Variants in UBE2E1 observed in about 807,000 individuals in gnomAD.
The protein encoded by UBE2E1 is ubiquitin conjugating enzyme E2 E1, also known as ubiquitin-conjugating enzyme E2 E1.
UBE2E1 carries 6 observed loss-of-function variants against 21.4 expected under a neutral mutation model. That is an observed-to-expected ratio of 0.28 (90% confidence interval 0.15 to 0.55). The LOEUF (loss-of-function observed/expected upper bound fraction) is 0.55. Among genes scored for constraint, UBE2E1 ranks in the 20% least tolerant of loss-of-function variants. UBE2E1 has a pLI of 0.93. For synonymous variants in UBE2E1, 87 were observed against 82.7 expected (o/e 1.05, Z -0.28); for missense variants, 142 against 236.5 (o/e 0.60, Z 2.62).
At chr3:23,830,865 G>A (rs1250312674) in intron 3 of UBE2E1, among the ~76,000 whole-genome samples, 1 of 152,156 alleles carries the variant, frequency 6.6e-6, no homozygotes, top group African/African-American at 2.4e-5. Context: ...TTAACTGTGG[G>A]TCAAGTTTTG....
At position 23,876,026 on chromosome 3, in the gene UBE2E1, C is replaced by T. The variant is rs1462565287; in HGVS notation, c.204-11541C>T. Among the ~76,000 whole-genome samples, 1 of 152,240 alleles carries T rather than the reference C, an allele frequency of 6.6e-6. No homozygotes were observed. Among genetic ancestry groups the T allele is most frequent in the Non-Finnish European group, 1.5e-5 (1 of 68,040 alleles). ...GACCTCGTGATCTGCCCGCTTTGGC[C>T]TCACAAAGTGCTGGGATTACAGGCG... On this transcript the variant is annotated intron_variant, in intron 3 of 5. Transcript: ENST00000306627. The surrounding 1 kb of genome is among the most constrained non-coding windows in gnomAD (Gnocchi z 4.3).
intron 4 of UBE2E1, among the ~76,000 whole-genome samples, chr3:23,888,071 T>C (rs1049628617): frequency 6.6e-6 from 1 of 152,058 alleles, no homozygotes; most frequent in Non-Finnish European, 1.5e-5. Context: ...CTTGGGAGGA[T>C]TGTTTGAGCC....
intron 3 of UBE2E1, among the ~76,000 whole-genome samples, chr3:23,843,139 C>A (rs1700130212): frequency 1.4e-5 from 2 of 148,066 alleles, no homozygotes; most frequent in Admixed American, 6.7e-5. Context: ...AATGGACTTT[C>A]TTTGGGAAGC....
intron 3 of UBE2E1, among the ~76,000 whole-genome samples, chr3:23,847,434 GT>G (rs543320496): frequency 6.6e-6 from 1 of 150,910 alleles, no homozygotes; most frequent in Non-Finnish European, 1.5e-5. Flanking sequence ...ATACCCTGTG[GT>G]ATTAATAGTT....
rs1418443245 is a variant in UBE2E1 at position 23,887,981 on chromosome 3, A to G, written c.336+282A>G. 6.6e-6 allele frequency among the ~76,000 whole-genome samples: 1 copy of G among 152,210 alleles called. No individual in the cohort carries two copies. Among genetic ancestry groups the G allele is most frequent in the Non-Finnish European group, 1.5e-5 (1 of 68,040 alleles). Reference sequence around the variant, plus strand: ...ATTAATCCCCTGTTTTCCAGCCCATAGAGAAATGTTTTTGAACCTTTCTCG... The same window carrying G: ...ATTAATCCCCTGTTTTCCAGCCCATGGAGAAATGTTTTTGAACCTTTCTCG... On this transcript the variant is annotated intron_variant, in intron 4 of 5. Coordinates refer to ENST00000306627, the MANE Select transcript of UBE2E1 (RefSeq NM_003341.5). The surrounding 1 kb of genome is among the most constrained non-coding windows in gnomAD (Gnocchi z 4.4).
Position 23,823,445 on chromosome 3 carries a change from A to G in UBE2E1, c.203+11935A>G, listed in dbSNP as rs537925115. Among the ~76,000 whole-genome samples, 4 of 152,360 alleles carry G rather than the reference A, an allele frequency of 2.6e-5. No individual in the cohort carries two copies. The East Asian group carries it at 5.8e-4, about 22-fold the overall frequency. ...GCAACAAATAATATGTGGAACCACA[A>G]CTGTTTTGGCTACGTAGGAATTTTG... On this transcript the variant is annotated intron_variant, in intron 3 of 5. Transcript: ENST00000306627. This position sits in a 1 kb window ranked among gnomAD's most constrained non-coding sequence, Gnocchi z 4.2.
At chr3:23,841,620 TATC>T (rs1279276420) in intron 3 of UBE2E1, among the ~76,000 whole-genome samples, 16 of 152,248 alleles carry the variant, frequency 1.1e-4, no homozygotes, top group Non-Finnish European at 7.3e-5. Flanking sequence ...AAAATATAAA[TATC>T]ATGCATTCAT....
In UBE2E1 at chr3:23,870,822, C is replaced by T. The variant is rs1016369192; in HGVS notation, c.204-16745C>T. 1.3e-5 allele frequency among the ~76,000 whole-genome samples: 2 copies of T among 149,994 alleles called. No individual in the cohort carries two copies. The highest frequency in any genetic ancestry group is 2.0e-4 in the East Asian group (1 of 5,096). On this transcript the variant is annotated intron_variant, in intron 3 of 5. Transcript: ENST00000306627. This position sits in a 1 kb window ranked among gnomAD's most constrained non-coding sequence, Gnocchi z 4.2. The stretch of plus-strand genomic sequence containing the variant: ...TGGTTTTCCTAGGCAGAGGACCCTG[C>T]GGCCTTCCGCAGTGTTTGTGTCCCT...
In UBE2E1 at chr3:23,887,336, T is replaced by TC. The variant is rs1324637419; in HGVS notation, c.204-230dup. ...GAATTGAGGAAAGTTTCCTGCTTAT[T>TC]CGTAGCTAGGTAGGCTTAGAATGGT... On this transcript the variant is annotated intron_variant, in intron 3 of 5. Coordinates refer to ENST00000306627, the MANE Select transcript of UBE2E1 (RefSeq NM_003341.5). The surrounding 1 kb of genome is among the most constrained non-coding windows in gnomAD (Gnocchi z 4.4). 3.9e-5 allele frequency among the ~76,000 whole-genome samples: 6 copies of TC among 152,214 alleles called. No homozygotes were observed. The highest frequency in any genetic ancestry group is 7.3e-5 in the Non-Finnish European group (5 of 68,028).
Position 23,811,513 on chromosome 3 carries a change from G to T in UBE2E1, c.203+3G>T, listed in dbSNP as rs773972347. 1.9e-6 allele frequency: 3 copies of T among 1,613,990 alleles called. No individual in the cohort carries two copies. In the African/African-American group the frequency reaches 4.0e-5, roughly 22 times the overall value. ...TTAGACCCTCCACCTAATTGCAGGT[G>T]AGTTGCTTTTCGGATTTTTTCCATT... On this transcript the variant is annotated splice_donor_region_variant and intron_variant, in intron 3 of 5. Transcript: ENST00000306627.
At chr3:23,845,176 A>G (rs1700169441) in intron 3 of UBE2E1, among the ~76,000 whole-genome samples, 1 of 152,230 alleles carries the variant, frequency 6.6e-6, no homozygotes, top group South Asian at 2.1e-4. Context: ...TGTAGCTTCA[A>G]AATCACAAAT....
At position 23,891,378 on chromosome 3, in the gene UBE2E1, C is replaced by CGAT. The variant is rs1257356638; in HGVS notation, c.*773_*775dup. 1 of 152,144 alleles carries CGAT rather than the reference C, an allele frequency of 6.6e-6. No homozygotes were observed. Among genetic ancestry groups the CGAT allele is most frequent in the East Asian group, 1.9e-4 (1 of 5,200 alleles). The allele number at this position is 152,144 out of a possible 1,614,324, so 9.4% of individuals were successfully genotyped here. A position where few individuals can be genotyped will look rare whatever the true frequency, so the allele number is the denominator to read the frequency against. On this transcript the variant is annotated 3_prime_UTR_variant, in exon 6 of 6. Transcript: ENST00000306627. ...TGCCATTCGCAGATTCTTCTGAAAT[C>CGAT]GATAGGTATCTGCTTCTAAAACAAG...
rs1699367487 is a variant in UBE2E1, at chr3:23,810,646, G to C, written c.153-814G>C. ...CTGTGGTGCCCGAGTGGCGGGCGGG[G>C]GTGTTCGCGCCCTGCTTTCGCGCGC... On this transcript the variant is annotated intron_variant, in intron 2 of 5. Transcript: ENST00000306627. The surrounding 1 kb of genome is among the most constrained non-coding windows in gnomAD (Gnocchi z 5.8). The C allele has an allele frequency of 1.0e-6, 1 of 971,456 alleles. No homozygotes were observed. The highest frequency in any genetic ancestry group is 3.0e-5 in the East Asian group (1 of 33,506). 60.2% of individuals were successfully genotyped at this position (971,456 alleles called of 1,614,324 possible). A position where few individuals can be genotyped will look rare whatever the true frequency, so the allele number is the denominator to read the frequency against.
At chr3:23,879,623 A>C (rs4858553) in intron 3 of UBE2E1, 1 of 214,008 alleles carries the variant, frequency 4.7e-6, no homozygotes, top group Non-Finnish European at 9.5e-6. Flanking sequence ...GTCTGTCCTA[A>C]CATCTGGGGA....
rs776912817 is a variant in UBE2E1, at chr3:23,876,916, C to T, written c.204-10651C>T. 1.2e-4 allele frequency among the ~76,000 whole-genome samples: 19 copies of T among 152,120 alleles called. No individual in the cohort carries two copies. Among genetic ancestry groups the T allele is most frequent in the African/African-American group, 4.3e-4 (18 of 41,428 alleles). On this transcript the variant is annotated intron_variant, in intron 3 of 5. Coordinates refer to ENST00000306627, the MANE Select transcript of UBE2E1 (RefSeq NM_003341.5). The surrounding 1 kb of genome is among the most constrained non-coding windows in gnomAD (Gnocchi z 4.3). ...AAAATTAGCCAGGTGTGGTGATGCA[C>T]GCCTGTAATCCTAGCAACTCAGGAG...
In UBE2E1 at chr3:23,842,203, G is replaced by GTGTGTGTA. The variant is rs1700102007; in HGVS notation, c.203+30700_203+30701insATGTGTGT. ...CATGACCCAGTAAGTGAAGGGGTGT[G>GTGTGTGTA]TGTGTGTGTGTGTGTGTGTGTGTGT... On this transcript the variant is annotated intron_variant, in intron 3 of 5. Coordinates refer to ENST00000306627, the MANE Select transcript of UBE2E1 (RefSeq NM_003341.5). This position sits in a 1 kb window ranked among gnomAD's most constrained non-coding sequence, Gnocchi z 4.6. Among the ~76,000 whole-genome samples the GTGTGTGTA allele has an allele frequency of 2.2e-5, 2 of 91,210 alleles. No homozygotes were observed. Among genetic ancestry groups the GTGTGTGTA allele is most frequent in the African/African-American group, 9.0e-5 (2 of 22,216 alleles). The allele number at this position is 91,210 out of a possible 152,430, so 59.8% of individuals were successfully genotyped here.
chr3:23,887,979 A>G lies in UBE2E1; in HGVS notation c.336+280A>G, dbSNP rs1047302126. 6.6e-6 allele frequency among the ~76,000 whole-genome samples: 1 copy of G among 152,206 alleles called. No individual in the cohort carries two copies. Among genetic ancestry groups the G allele is most frequent in the African/African-American group, 2.4e-5 (1 of 41,434 alleles). On this transcript the variant is annotated intron_variant, in intron 4 of 5. Transcript: ENST00000306627. This position sits in a 1 kb window ranked among gnomAD's most constrained non-coding sequence, Gnocchi z 4.4. ...GAATTAATCCCCTGTTTTCCAGCCC[A>G]TAGAGAAATGTTTTTGAACCTTTCT...
chr3:23,821,053 G>A (rs561835535), intron 3 of UBE2E1, among the ~76,000 whole-genome samples: 5 of 152,344 alleles, frequency 3.3e-5, no homozygotes, highest in South Asian at 2.1e-4. Context: ...AGATCAGATC[G>A]TAATCATTTA....
At chr3:23,861,977 A>T (rs546114933) in intron 3 of UBE2E1, among the ~76,000 whole-genome samples, 24 of 152,372 alleles carry the variant, frequency 1.6e-4, no homozygotes, top group African/African-American at 5.0e-4. Context: ...GAAGCCGCCT[A>T]TGGACGGCTA....
Sources: allele counts gnomAD v4.1 joint callset (sites outside exome capture counted in the v4.1 genomes callset), GRCh38; gene constraint gnomAD v4.1.1; non-coding constraint Gnocchi (gnomAD v3.1); transcripts MANE v1.5; gene names NCBI Gene and HGNC (gene_info 2026-07-23, HGNC 2026-07-21).